TWSG1: variants seen among roughly 807,000 people sequenced by gnomAD.
The protein encoded by TWSG1 is twisted gastrulation protein homolog 1.
Under a neutral mutation model 23.0 loss-of-function variants are expected in TWSG1, and 15 were observed. The observed-to-expected ratio is 0.65, with a 90% CI of 0.44 to 1.00. The LOEUF is 1.00. Among genes scored for constraint, TWSG1 ranks in the 50% least tolerant of loss-of-function variants. The pLI, the probability that TWSG1 is intolerant of heterozygous loss-of-function variation, is 0.00. For missense variants in TWSG1, 242 were observed against 278.7 expected, an observed-to-expected ratio of 0.87 and a Z score of 0.94; for synonymous variants, 86 against 92.8, an observed-to-expected ratio of 0.93 and a Z score of 0.42.
At chr18:9,378,285 G>A (rs796861743) in intron 3 of TWSG1, among the ~76,000 whole-genome samples, 6 of 152,260 alleles carry the variant, frequency 3.9e-5, no homozygotes, top group African/African-American at 1.4e-4. Context: ...CAAGAGAAAG[G>A]AATAAAAGGC....
At chr18:9,367,386 G>A (rs1367634639) in intron 3 of TWSG1, among the ~76,000 whole-genome samples, 4 of 152,076 alleles carry the variant, frequency 2.6e-5, no homozygotes, top group African/African-American at 7.2e-5. Flanking sequence ...TCTGCTCACC[G>A]CTTCTGTGAG....
chr18:9,367,566 GC>G (rs2040585812), intron 3 of TWSG1, among the ~76,000 whole-genome samples: 1 of 152,138 alleles, frequency 6.6e-6, no homozygotes, highest in South Asian at 2.1e-4. Flanking sequence ...TAGGAACCGG[GC>G]CACATAGAAG....
intron 3 of TWSG1, among the ~76,000 whole-genome samples, chr18:9,390,351 C>T (rs575771573): frequency 7.9e-5 from 12 of 152,214 alleles, no homozygotes; most frequent in African/African-American, 1.2e-4. Flanking sequence ...TTAGTAGAGA[C>T]GGGGTTTCAC....
intron 3 of TWSG1, among the ~76,000 whole-genome samples, chr18:9,365,768 A>G (rs2040575769): frequency 6.6e-6 from 1 of 152,182 alleles, no homozygotes; most frequent in African/African-American, 2.4e-5. Context: ...TGGGAGGCCT[A>G]AGTGGGAGGA....
chr18:9,377,234 G>A (rs1253757924), intron 3 of TWSG1, among the ~76,000 whole-genome samples: 2 of 146,384 alleles, frequency 1.4e-5, no homozygotes, highest in Admixed American at 1.4e-4. Context: ...TTTTTTTTTT[G>A]GGGGGACAGA....
intron 3 of TWSG1, among the ~76,000 whole-genome samples, chr18:9,364,452 T>C (rs1244448213): frequency 1.3e-5 from 2 of 152,134 alleles, no homozygotes; most frequent in Non-Finnish European, 2.9e-5. Flanking sequence ...CACCTGGTGA[T>C]TTCACCCCTT....
At chr18:9,350,446 C>T (rs1462201535) in intron 2 of TWSG1, among the ~76,000 whole-genome samples, 1 of 152,052 alleles carries the variant, frequency 6.6e-6, no homozygotes, top group Non-Finnish European at 1.5e-5. Context: ...GTAAAATAAC[C>T]CCCCCATTTA....
chr18:9,355,296 T>G (rs763649178), intron 2 of TWSG1, among the ~76,000 whole-genome samples: 2 of 152,196 alleles, frequency 1.3e-5, no homozygotes, highest in Non-Finnish European at 2.9e-5. Flanking sequence ...CAGATTCTGC[T>G]TGATTTAAAT....
At chr18:9,373,070 A>G (rs2040613102) in intron 3 of TWSG1, among the ~76,000 whole-genome samples, 1 of 152,232 alleles carries the variant, frequency 6.6e-6, no homozygotes, top group Non-Finnish European at 1.5e-5. Context: ...ATGATATACA[A>G]TGGTAACACT....
Position 9,396,558 on chromosome 18 carries a change from C to G in TWSG1, c.490+12C>G, listed in dbSNP as rs1241183456. On this transcript the variant is annotated intron_variant, in intron 4 of 4. Transcript: ENST00000262120. ...TTCCAGTGACAAAGGTAACTGCCAACAGTTGACTTTTTCCATTCCGCCCCC... is the reference window on the plus strand; with the variant it reads ...TTCCAGTGACAAAGGTAACTGCCAAGAGTTGACTTTTTCCATTCCGCCCCC... 1 of 1,606,154 alleles carries G rather than the reference C, an allele frequency of 6.2e-7. No individual in the cohort carries two copies. Among genetic ancestry groups the G allele is most frequent in the East Asian group, 2.2e-5 (1 of 44,868 alleles).
At chr18:9,389,218 T>G (rs2040700057) in intron 3 of TWSG1, among the ~76,000 whole-genome samples, 1 of 152,064 alleles carries the variant, frequency 6.6e-6, no homozygotes, top group Non-Finnish European at 1.5e-5. Context: ...TCAGGTGATG[T>G]GCCCGCCTCA....
rs2040763232 is a variant in TWSG1, at chr18:9,401,642, A to G, written c.*2115A>G. ...AAATTTGGCTTATTTTTTCTGATTTATGAGGGTTTGAAAGAAAGAATTCAC... is the reference window on the plus strand; with the variant it reads ...AAATTTGGCTTATTTTTTCTGATTTGTGAGGGTTTGAAAGAAAGAATTCAC... On this transcript the variant is annotated 3_prime_UTR_variant, in exon 5 of 5. Coordinates refer to ENST00000262120, the MANE Select transcript of TWSG1 (RefSeq NM_020648.6). The G allele has an allele frequency of 6.6e-6, 1 of 152,060 alleles. No individual in the cohort carries two copies. Among genetic ancestry groups the G allele is most frequent in the Non-Finnish European group, 1.5e-5 (1 of 68,000 alleles). The allele number at this position is 152,060 out of a possible 1,614,324, so 9.4% of individuals were successfully genotyped here.
chr18:9,396,871 C>T (rs1187054035), intron 4 of TWSG1: 2 of 385,938 alleles, frequency 5.2e-6, no homozygotes. Flanking sequence ...CCAGCCTGAC[C>T]AACATGGTGA....
intron 3 of TWSG1, among the ~76,000 whole-genome samples, chr18:9,366,323 A>G (rs1199012764): frequency 6.6e-6 from 1 of 152,196 alleles, no homozygotes; most frequent in Non-Finnish European, 1.5e-5. Context: ...GAATGGAAGA[A>G]AGGGGCACAG....
chr18:9,343,113 A>C (rs2040453480), intron 2 of TWSG1, among the ~76,000 whole-genome samples: 1 of 151,260 alleles, frequency 6.6e-6, no homozygotes, highest in African/African-American at 2.4e-5. Flanking sequence ...TGTTGAGTCT[A>C]GTGTTGGTCT....
intron 2 of TWSG1, among the ~76,000 whole-genome samples, chr18:9,354,630 A>G (rs112458110): frequency 9.3e-4 from 141 of 152,360 alleles, no homozygotes; most frequent in African/African-American, 3.1e-3. Flanking sequence ...AGGATTAAGA[A>G]TTTAATCACT....
At chr18:9,339,814 T>G (rs866427013) in intron 2 of TWSG1, among the ~76,000 whole-genome samples, 1 of 150,452 alleles carries the variant, frequency 6.6e-6, no homozygotes, top group South Asian at 2.1e-4. Flanking sequence ...AAAAAAAAAA[T>G]TGTAAAAAAA....
chr18:9,341,252 C>T (rs529189803), intron 2 of TWSG1, among the ~76,000 whole-genome samples: 2 of 152,226 alleles, frequency 1.3e-5, no homozygotes, highest in Non-Finnish European at 2.9e-5. Flanking sequence ...CACATATAAA[C>T]TGTAAAGTGA....
chr18:9,394,387 C>A (rs759030239), intron 3 of TWSG1, among the ~76,000 whole-genome samples: 1 of 151,930 alleles, frequency 6.6e-6, no homozygotes, highest in Non-Finnish European at 1.5e-5. Context: ...AAAAGTAGAA[C>A]GGAGGATGGT....
Sources: gnomAD v4.1 joint callset for allele counts (sites outside exome capture counted in the v4.1 genomes callset) on GRCh38, gnomAD v4.1.1 for gene constraint, MANE v1.5 for transcripts, NCBI Gene and HGNC (gene_info 2026-07-23, HGNC 2026-07-21) for gene names.